Variants in TMEM221 observed in about 807,000 individuals in gnomAD.
TMEM221 encodes Putative transmembrane protein ENSP00000342162.
TMEM221 carries 11 observed loss-of-function variants against 10.2 expected under a neutral mutation model. The ratio of observed to expected loss-of-function variants is 1.08; its 90% CI spans 0.68 to 1.79. TMEM221 has a LOEUF of 1.79. Among genes scored for constraint, TMEM221 ranks in the 40% most tolerant of loss-of-function variants. The pLI, the probability that TMEM221 is intolerant of heterozygous loss-of-function variation, is 0.00. For missense variants in TMEM221, 382 were observed against 417.7 expected (o/e 0.91, Z 0.75); for synonymous variants, 172 against 199.8 (o/e 0.86, Z 1.18).
At chr19:17,442,790 A>G (rs1408400353) in intron 2 of TMEM221, among the ~76,000 whole-genome samples, 1 of 151,886 alleles carries the variant, frequency 6.6e-6, no homozygotes, top group East Asian at 1.9e-4. Context: ...CCACACCTGA[A>G]GCCAACTTCC....
intron 2 of TMEM221, 121 bp downstream of exon 2, chr19:17,445,078 G>T (rs2144504640): frequency 1.2e-6 from 1 of 848,604 alleles, no homozygotes; most frequent in East Asian, 2.7e-5. Context: ...AAGCAAAGAA[G>T]TGTCAGAGCC....
chr19:17,440,091 G>A lies in TMEM221; in HGVS notation c.407-3164C>T, dbSNP rs568631067. ...GGTCCCAGCTAGCTGCGGGGCTGAG[G>A]CAGAAGAATTGCTTGAGCCTAGGAC... On this transcript the variant is annotated intron_variant, in intron 2 of 2. Transcript: ENST00000341130. 1.2e-4 allele frequency among the ~76,000 whole-genome samples: 19 copies of A among 152,258 alleles called. No homozygotes were observed. The South Asian group carries it at 3.9e-3, about 32-fold the overall frequency.
chr19:17,444,170 C>G (rs1369693628), intron 2 of TMEM221, among the ~76,000 whole-genome samples: 1 of 149,786 alleles, frequency 6.7e-6, no homozygotes, highest in Admixed American at 6.7e-5. Flanking sequence ...CAACCTCTGC[C>G]CCCTGGTTCA....
intron 2 of TMEM221, among the ~76,000 whole-genome samples, chr19:17,442,115 A>G (rs1272833997): frequency 1.3e-5 from 2 of 152,248 alleles, no homozygotes; most frequent in East Asian, 3.9e-4. Flanking sequence ...TGGCCTGTGC[A>G]AAGACTCAAG....
At chr19:17,444,967 A>T (rs936451282) in intron 2 of TMEM221, 2 of 362,614 alleles carry the variant, frequency 5.5e-6, no homozygotes, top group Non-Finnish European at 1.0e-5. Flanking sequence ...ATGAGGATTA[A>T]ATCTCAGAAT....
Position 17,448,001 on chromosome 19 carries a change from C to T in TMEM221, c.320+142G>A. On this transcript the variant is annotated intron_variant, in intron 1 of 2. Coordinates refer to ENST00000341130, the MANE Select transcript of TMEM221 (RefSeq NM_001190844.2). This position sits in a 1 kb window ranked among gnomAD's most constrained non-coding sequence, Gnocchi z 4.7. Reference sequence around the variant, plus strand: ...GGAGGAGGAGAGGAAAGGAGGGAGGCAGAGAGACATGGAGTGGTGGGGAGA... The same window carrying T: ...GGAGGAGGAGAGGAAAGGAGGGAGGTAGAGAGACATGGAGTGGTGGGGAGA... 3.5e-6 allele frequency: 2 copies of T among 578,032 alleles called. No homozygotes were observed. Among genetic ancestry groups the T allele is most frequent in the Non-Finnish European group, 5.1e-6 (2 of 392,824 alleles). 35.8% of individuals were successfully genotyped at this position (578,032 alleles called of 1,614,324 possible). A position where few individuals can be genotyped will look rare whatever the true frequency, so the allele number is the denominator to read the frequency against.
In TMEM221 at chr19:17,448,122, C is replaced by A; in HGVS notation, c.320+21G>T. Reference sequence around the variant, plus strand: ...CCAGCCCCCAGCCGGGCCTCCGAGGCGGTGAGGCCAGTCCTCCTACCTCCT... The same window carrying A: ...CCAGCCCCCAGCCGGGCCTCCGAGGAGGTGAGGCCAGTCCTCCTACCTCCT... On this transcript the variant is annotated intron_variant, in intron 1 of 2. Coordinates refer to ENST00000341130, the MANE Select transcript of TMEM221 (RefSeq NM_001190844.2). This position sits in a 1 kb window ranked among gnomAD's most constrained non-coding sequence, Gnocchi z 4.7. 1 of 1,336,966 alleles carries A rather than the reference C, an allele frequency of 7.5e-7. No homozygotes were observed. Among genetic ancestry groups the A allele is most frequent in the Non-Finnish European group, 9.6e-7 (1 of 1,046,142 alleles). 82.8% of individuals were successfully genotyped at this position (1,336,966 alleles called of 1,614,324 possible).
Position 17,436,380 on chromosome 19 carries a change from C to G in TMEM221, c.*78G>C. The G allele has an allele frequency of 7.6e-7, 1 of 1,319,566 alleles. No homozygotes were observed. The allele number at this position is 1,319,566 out of a possible 1,614,324, so 81.7% of individuals were successfully genotyped here. A position where few individuals can be genotyped will look rare whatever the true frequency, so the allele number is the denominator to read the frequency against. On this transcript the variant is annotated 3_prime_UTR_variant, in exon 3 of 3. Transcript: ENST00000341130. ...AAAATGAGAGAAAAATCAAGTCCTA[C>G]TGCTACTGCAGCTGAACCCGAACCT...
At chr19:17,438,472 C>T (rs988633108) in intron 2 of TMEM221, among the ~76,000 whole-genome samples, 1 of 152,140 alleles carries the variant, frequency 6.6e-6, no homozygotes, top group Non-Finnish European at 1.5e-5. Context: ...GGTCCTCTAG[C>T]CTTGGCCTGC....
Position 17,445,239 on chromosome 19 carries a change from G to A in TMEM221, c.366C>T (p.Ala122=). The A allele has an allele frequency of 6.5e-7, 1 of 1,536,000 alleles. No individual in the cohort carries two copies. The highest frequency in any genetic ancestry group is 8.7e-7 in the Non-Finnish European group (1 of 1,146,776). ...AGATCCCACAGCAGAAAAGGCCAAG[G>A]GCCACATGTCTGAGGAGGCGGCAGT... ...LYDCRLLRHV[A]LGLFCCGISV... is the part of the protein sequence containing the mutation. The change falls in exon 2 of 3, where the codon GCC becomes GCT. Residue 122 remains alanine, a synonymous_variant. Transcript: ENST00000341130.
At chr19:17,440,057 C>T (rs1292383519) in intron 2 of TMEM221, among the ~76,000 whole-genome samples, 1 of 152,050 alleles carries the variant, frequency 6.6e-6, no homozygotes, top group East Asian at 1.9e-4. Context: ...AATGGCAGTG[C>T]TTGCCTACGG....
rs1193923875 is a variant in TMEM221 at position 17,448,501 on chromosome 19, T to C, written c.-39A>G. On this transcript the variant is annotated 5_prime_UTR_variant, in exon 1 of 3. Coordinates refer to ENST00000341130, the MANE Select transcript of TMEM221 (RefSeq NM_001190844.2). The surrounding 1 kb of genome is among the most constrained non-coding windows in gnomAD (Gnocchi z 4.7). The stretch of plus-strand genomic sequence containing the variant: ...GCGGGCCGGGGGAAGAGTTGAGGAA[T>C]TGAAGTGGTTTTAGAGGGCAGGGGA... 6 of 1,423,732 alleles carry C rather than the reference T, an allele frequency of 4.2e-6. No individual in the cohort carries two copies. The African/African-American group carries it at 6.0e-5, about 14-fold the overall frequency. 88.2% of individuals were successfully genotyped at this position (1,423,732 alleles called of 1,614,324 possible). A position where few individuals can be genotyped will look rare whatever the true frequency, so the allele number is the denominator to read the frequency against.
chr19:17,440,347 C>T (rs1323712414), intron 2 of TMEM221, among the ~76,000 whole-genome samples: 4 of 151,654 alleles, frequency 2.6e-5, no homozygotes, highest in African/African-American at 4.8e-5. Flanking sequence ...CTGCCTCAGC[C>T]TCCCGAGTAG....
At chr19:17,439,492 A>C (rs2074923138) in intron 2 of TMEM221, among the ~76,000 whole-genome samples, 2 of 151,880 alleles carry the variant, frequency 1.3e-5, no homozygotes, top group South Asian at 4.2e-4. Context: ...GTTGGAGACC[A>C]GCCTGGCCAA....
intron 2 of TMEM221, 113 bp downstream of exon 2, chr19:17,445,086 G>A: frequency 3.2e-6 from 3 of 927,076 alleles, no homozygotes; most frequent in Non-Finnish European, 3.3e-6. Context: ...AAGTGTCAGA[G>A]CCTGGAGTTG....
intron 2 of TMEM221, among the ~76,000 whole-genome samples, chr19:17,441,520 C>T (rs756766889): frequency 7.9e-5 from 12 of 152,190 alleles, no homozygotes; most frequent in Non-Finnish European, 1.0e-4. Flanking sequence ...TCAATGATGT[C>T]CTCATTGGAC....
At chr19:17,443,020 TGTAATCC>T (rs1414713667) in intron 2 of TMEM221, among the ~76,000 whole-genome samples, 1 of 151,920 alleles carries the variant, frequency 6.6e-6, no homozygotes, top group Non-Finnish European at 1.5e-5. Flanking sequence ...GGCTCACGCC[TGTAATCC>T]CAGCACTTTG....
chr19:17,448,246 C>A lies in TMEM221; in HGVS notation c.217G>T (p.Ala73Ser), dbSNP rs1191270750. 2.3e-6 allele frequency: 3 copies of A among 1,292,534 alleles called. No homozygotes were observed. Among genetic ancestry groups the A allele is most frequent in the African/African-American group, 3.1e-5 (2 of 64,318 alleles). The allele number at this position is 1,292,534 out of a possible 1,614,324, so 80.1% of individuals were successfully genotyped here. A position where few individuals can be genotyped will look rare whatever the true frequency, so the allele number is the denominator to read the frequency against. ...AGCACGAGCACCAGCGCGGCCAGCG[C>A]GGCGGCCAGCGGCAGCAGCGTCCCG... ...AAGTLLPLAA[A>S]LAALVLVLGF... Residue 73 changes from alanine (A) to serine (S), a missense_variant, in exon 1 of 3, where the codon GCG (alanine) becomes TCG (serine). Coordinates refer to ENST00000341130, the MANE Select transcript of TMEM221 (RefSeq NM_001190844.2). The surrounding 1 kb of genome is among the most constrained non-coding windows in gnomAD (Gnocchi z 4.7).
chr19:17,445,612 A>G (rs909527563), intron 1 of TMEM221, among the ~76,000 whole-genome samples: 1 of 151,808 alleles, frequency 6.6e-6, no homozygotes, highest in Non-Finnish European at 1.5e-5. Context: ...CCATCCATCC[A>G]CCCATCCATC....
Sources: gnomAD v4.1 joint callset for allele counts (sites outside exome capture counted in the v4.1 genomes callset) on GRCh38, gnomAD v4.1.1 for gene constraint, Gnocchi (gnomAD v3.1) non-coding constraint, MANE v1.5 for transcripts, NCBI Gene and HGNC (gene_info 2026-07-23, HGNC 2026-07-21) for gene names.